Variants in TRABD2B observed in about 807,000 individuals in gnomAD.
TRABD2B encodes the protein TraB domain containing 2B, also known as metalloprotease TIKI2.
A neutral mutation model predicts 40.1 loss-of-function variants in TRABD2B; 14 were observed. The ratio of observed to expected loss-of-function variants is 0.35; its 90% CI spans 0.23 to 0.55. The LOEUF (loss-of-function observed/expected upper bound fraction) is 0.55. TRABD2B is among the 20% of genes least tolerant of loss of function. TRABD2B has a pLI of 0.90. For missense variants in TRABD2B, 541 were observed against 648.6 expected (o/e 0.83, Z 1.80); for synonymous variants, 263 against 277.0 (o/e 0.95, Z 0.50).
At chr1:47,842,655 GC>G (rs1340505071) in intron 2 of TRABD2B, among the ~76,000 whole-genome samples, 1 of 152,196 alleles carries the variant, frequency 6.6e-6, no homozygotes, top group East Asian at 1.9e-4. Flanking sequence ...ACTTCTCTGA[GC>G]TTCATTTTCC....
intron 2 of TRABD2B, among the ~76,000 whole-genome samples, chr1:47,836,629 A>G (rs561904422): frequency 1.1e-4 from 17 of 152,384 alleles, no homozygotes; most frequent in African/African-American, 3.1e-4. Flanking sequence ...TGATGCCTTC[A>G]TAGACAGAAT....
intron 2 of TRABD2B, among the ~76,000 whole-genome samples, chr1:47,934,963 A>G (rs960313814): frequency 1.2e-4 from 18 of 152,142 alleles, no homozygotes; most frequent in African/African-American, 4.3e-4. Flanking sequence ...GGGCCTCCGA[A>G]AAACACTGTC....
At chr1:47,874,947 C>T (rs1644202538) in intron 2 of TRABD2B, among the ~76,000 whole-genome samples, 1 of 152,026 alleles carries the variant, frequency 6.6e-6, no homozygotes, top group South Asian at 2.1e-4. Flanking sequence ...TTCTTGTCTC[C>T]TCACTCACTG....
intron 2 of TRABD2B, among the ~76,000 whole-genome samples, chr1:47,944,662 A>C (rs1468796841): frequency 6.6e-6 from 1 of 152,198 alleles, no homozygotes; most frequent in South Asian, 2.1e-4. Context: ...TTGTCCATAC[A>C]GGAGTTTGGG....
At chr1:47,843,093 G>T (rs1645421331) in intron 2 of TRABD2B, among the ~76,000 whole-genome samples, 1 of 152,142 alleles carries the variant, frequency 6.6e-6, no homozygotes, top group African/African-American at 2.4e-5. Context: ...GAGGAGGGAG[G>T]TGTGAGATGA....
chr1:47,889,565 A>C (rs533921693), intron 2 of TRABD2B, among the ~76,000 whole-genome samples: 10 of 152,350 alleles, frequency 6.6e-5, no homozygotes, highest in Admixed American at 6.5e-4. Flanking sequence ...CTGTGAGGGC[A>C]GTGAGGCATA....
chr1:47,954,888 C>T (rs1645396315), intron 2 of TRABD2B, among the ~76,000 whole-genome samples: 1 of 152,152 alleles, frequency 6.6e-6, no homozygotes, highest in Non-Finnish European at 1.5e-5. Flanking sequence ...GGTCTCCTCT[C>T]TGTCTCTGTG....
chr1:47,917,214 T>A (rs1317334941), intron 2 of TRABD2B, among the ~76,000 whole-genome samples: 2 of 152,192 alleles, frequency 1.3e-5, no homozygotes, highest in Non-Finnish European at 2.9e-5. Context: ...GCAGTCCAGA[T>A]AGGCCAGGAA....
intron 2 of TRABD2B, among the ~76,000 whole-genome samples, chr1:47,961,905 C>A (rs962464290): frequency 6.6e-6 from 1 of 152,176 alleles, no homozygotes; most frequent in African/African-American, 2.4e-5. Flanking sequence ...TATAAAGACA[C>A]ATGCACACGT....
intron 2 of TRABD2B, among the ~76,000 whole-genome samples, chr1:47,936,589 GATA>G (rs1645109647): frequency 6.6e-6 from 1 of 152,054 alleles, no homozygotes; most frequent in African/African-American, 2.4e-5. Context: ...GCATAAAAAG[GATA>G]ATAAGTTTTA....
intron 2 of TRABD2B, among the ~76,000 whole-genome samples, chr1:47,807,153 C>T (rs1461999052): frequency 6.6e-6 from 1 of 152,190 alleles, no homozygotes; most frequent in Non-Finnish European, 1.5e-5. Flanking sequence ...ACAACAATGG[C>T]TTCATTAAAC....
At chr1:47,916,933 A>C (rs1337617120) in intron 2 of TRABD2B, among the ~76,000 whole-genome samples, 2 of 152,268 alleles carry the variant, frequency 1.3e-5, no homozygotes, top group Non-Finnish European at 2.9e-5. Flanking sequence ...AAAGCACTGT[A>C]CACAGTTTAA....
intron 2 of TRABD2B, among the ~76,000 whole-genome samples, chr1:47,803,293 A>C (rs1205134465): frequency 6.6e-6 from 1 of 152,204 alleles, no homozygotes; most frequent in Non-Finnish European, 1.5e-5. Context: ...GCTCCTTTCC[A>C]GTCTGACCCT....
chr1:47,858,237 T>TTTTGAG (rs1643916881), intron 2 of TRABD2B, among the ~76,000 whole-genome samples: 1 of 69,992 alleles, frequency 1.4e-5, no homozygotes, highest in South Asian at 4.1e-4. Flanking sequence ...TATTTTATTT[T>TTTTGAG]ATTTTATTTT....
chr1:47,887,777 C>T (rs1644390368), intron 2 of TRABD2B, among the ~76,000 whole-genome samples: 1 of 152,152 alleles, frequency 6.6e-6, no homozygotes, highest in Non-Finnish European at 1.5e-5. Context: ...GGGCCAGGTT[C>T]CTGTCTCCCA....
intron 4 of TRABD2B, among the ~76,000 whole-genome samples, chr1:47,778,917 T>C (rs1428290774): frequency 6.6e-6 from 1 of 152,202 alleles, no homozygotes; most frequent in African/African-American, 2.4e-5. Context: ...ACCATGAAGC[T>C]GACCCCAGCC....
chr1:47,826,740 A>T (rs1044606977), intron 2 of TRABD2B, among the ~76,000 whole-genome samples: 1 of 152,118 alleles, frequency 6.6e-6, no homozygotes, highest in Non-Finnish European at 1.5e-5. Flanking sequence ...TGCCTGGCTA[A>T]TTTTTAATTT....
intron 2 of TRABD2B, among the ~76,000 whole-genome samples, chr1:47,864,523 A>G (rs577553200): frequency 1.3e-5 from 2 of 152,320 alleles, no homozygotes; most frequent in African/African-American, 4.8e-5. Context: ...AGTCTACACT[A>G]AGGAAAATTA....
At chr1:47,846,684 T>C (rs1215914793) in intron 2 of TRABD2B, among the ~76,000 whole-genome samples, 1 of 152,202 alleles carries the variant, frequency 6.6e-6, no homozygotes, top group East Asian at 1.9e-4. Flanking sequence ...CTGAGTCCTG[T>C]AGACGAAACA....
Sources: allele counts gnomAD v4.1 joint callset (sites outside exome capture counted in the v4.1 genomes callset), GRCh38; gene constraint gnomAD v4.1.1; transcripts MANE v1.5; gene names NCBI Gene and HGNC (gene_info 2026-07-23, HGNC 2026-07-21).